RASSF8: variants seen among roughly 807,000 people sequenced by gnomAD.
The protein encoded by RASSF8 is ras association domain-containing protein 8.
A neutral mutation model predicts 48.5 loss-of-function variants in RASSF8; 22 were observed. That is an observed-to-expected ratio of 0.45 (90% confidence interval 0.32 to 0.65). The LOEUF is 0.65. RASSF8 is among the 30% of genes least tolerant of loss of function. RASSF8 has a pLI of 0.03. For synonymous variants in RASSF8, 127 were observed against 171.5 expected, an observed-to-expected ratio of 0.74 and a Z score of 2.03; for missense variants, 418 against 489.2, an observed-to-expected ratio of 0.85 and a Z score of 1.37.
chr12:26,073,916 T>C (rs1292877261), downstream of RASSF8, among the ~76,000 whole-genome samples: 1 of 151,828 alleles, frequency 6.6e-6, no homozygotes, highest in African/African-American at 2.4e-5. Context: ...ATTTCAACTT[T>C]CTTTAGGGCC....
intron 2 of RASSF8, among the ~76,000 whole-genome samples, chr12:26,026,227 A>T (rs1942909871): frequency 6.6e-6 from 1 of 152,214 alleles, no homozygotes; most frequent in Non-Finnish European, 1.5e-5. Flanking sequence ...ATAATTTGAT[A>T]AGGAGCTTGT....
intron 2 of RASSF8, among the ~76,000 whole-genome samples, chr12:26,023,754 A>G (rs1942841257): frequency 6.6e-6 from 1 of 152,146 alleles, no homozygotes; most frequent in African/African-American, 2.4e-5. Flanking sequence ...TTTTTATTCT[A>G]GTAACTGATT....
At chr12:25,960,502 T>C (rs1183046349) in intron 1 of RASSF8, among the ~76,000 whole-genome samples, 1 of 152,126 alleles carries the variant, frequency 6.6e-6, no homozygotes, top group Non-Finnish European at 1.5e-5. Context: ...TTTAATTTTA[T>C]TTATCTCTAT....
chr12:26,063,828 T>C (rs963666174), intron 3 of RASSF8, among the ~76,000 whole-genome samples: 5 of 152,132 alleles, frequency 3.3e-5, no homozygotes, highest in Non-Finnish European at 4.4e-5. Flanking sequence ...TATATGAATT[T>C]GTTTTGAAGA....
exon 6 of RASSF8, chr12:26,079,224 A>C: frequency 5.7e-6 from 3 of 529,796 alleles, no homozygotes; most frequent in Admixed American, 3.7e-5. Context: ...GTTATCTGGT[A>C]AGGGTTTAAT....
At chr12:25,962,741 A>G (rs1210122942) in intron 1 of RASSF8, among the ~76,000 whole-genome samples, 2 of 152,010 alleles carry the variant, frequency 1.3e-5, no homozygotes, top group Non-Finnish European at 2.9e-5. Context: ...TTGTATCTTG[A>G]TTGCCTTCTT....
At chr12:26,065,492 A>G in intron 4 of RASSF8, 105 bp downstream of exon 4, 2 of 1,402,064 alleles carry the variant, frequency 1.4e-6, no homozygotes, top group Non-Finnish European at 1.9e-6. Flanking sequence ...AAAGAATTAG[A>G]AACCCAGCCT....
intron 2 of RASSF8, among the ~76,000 whole-genome samples, chr12:26,042,087 T>C (rs369750770): frequency 1.3e-5 from 2 of 152,216 alleles, no homozygotes. Flanking sequence ...TTCTGAAATA[T>C]AGTTATAAAT....
chr12:26,052,028 A>AT (rs1943502625), intron 2 of RASSF8, among the ~76,000 whole-genome samples: 1 of 152,322 alleles, frequency 6.6e-6, no homozygotes, highest in African/African-American at 2.4e-5. Flanking sequence ...GAAAGGACAC[A>AT]TGTTGACAGT....
intron 2 of RASSF8, chr12:26,052,975 A>T (rs754497292): frequency 2.6e-5 from 4 of 152,190 alleles, no homozygotes; most frequent in Non-Finnish European, 5.9e-5. Flanking sequence ...CTAACATCAG[A>T]TTTATAGAAA....
intron 4 of RASSF8, among the ~76,000 whole-genome samples, chr12:26,066,264 G>A (rs1388241100): frequency 1.3e-5 from 2 of 152,162 alleles, no homozygotes; most frequent in African/African-American, 4.8e-5. Context: ...GATTCAAAGT[G>A]TAGTCCATGC....
chr12:26,024,682 C>T (rs948507445), intron 2 of RASSF8, among the ~76,000 whole-genome samples: 5 of 152,172 alleles, frequency 3.3e-5, no homozygotes, highest in African/African-American at 9.7e-5. Context: ...TTAGGCCGGG[C>T]GCTGTGGCTC....
intron 2 of RASSF8, among the ~76,000 whole-genome samples, chr12:26,026,154 GA>G (rs1378829598): frequency 6.6e-6 from 1 of 152,050 alleles, no homozygotes; most frequent in Non-Finnish European, 1.5e-5. Flanking sequence ...CAGAATTAAA[GA>G]TTTGTGTTCA....
At chr12:25,993,231 G>A (rs896650134) in intron 1 of RASSF8, among the ~76,000 whole-genome samples, 3 of 152,202 alleles carry the variant, frequency 2.0e-5, no homozygotes, top group Non-Finnish European at 2.9e-5. Context: ...TTTAATCTCT[G>A]CATATATGTT....
At chr12:25,994,106 A>G (rs1942076302) in intron 1 of RASSF8, among the ~76,000 whole-genome samples, 1 of 152,138 alleles carries the variant, frequency 6.6e-6, no homozygotes, top group South Asian at 2.1e-4. Flanking sequence ...GGTGTTTGAA[A>G]TGTGTATGTT....
At chr12:26,054,965 T>G (rs943274015) in intron 2 of RASSF8, among the ~76,000 whole-genome samples, 16 of 152,136 alleles carry the variant, frequency 1.1e-4, no homozygotes, top group Admixed American at 1.0e-3. Context: ...AGCGCATATA[T>G]TGAATAGGGC....
chr12:26,038,143 G>A (rs755740172), intron 2 of RASSF8, among the ~76,000 whole-genome samples: 15 of 152,130 alleles, frequency 9.9e-5, no homozygotes, highest in Non-Finnish European at 1.9e-4. Context: ...ATGAACTAAT[G>A]GCACTGTGAT....
At chr12:25,963,808 G>A (rs887271501) in intron 1 of RASSF8, among the ~76,000 whole-genome samples, 4 of 152,220 alleles carry the variant, frequency 2.6e-5, no homozygotes, top group Admixed American at 6.5e-5. Context: ...TCGAAGAGGA[G>A]GAGTGAGTAG....
intron 5 of RASSF8, among the ~76,000 whole-genome samples, chr12:26,068,489 C>A (rs1424560236): frequency 6.6e-6 from 1 of 152,120 alleles, no homozygotes; most frequent in African/African-American, 2.4e-5. Context: ...TTGTAAAGAT[C>A]ATTCACTGTT....
Sources: gnomAD v4.1 joint callset for allele counts (sites outside exome capture counted in the v4.1 genomes callset) on GRCh38, gnomAD v4.1.1 for gene constraint, MANE v1.5 for transcripts, NCBI Gene and HGNC (gene_info 2026-07-23, HGNC 2026-07-21) for gene names.